Variants in PIK3CA observed in about 807,000 individuals in gnomAD.
The protein encoded by PIK3CA is phosphatidylinositol-4,5-bisphosphate 3-kinase catalytic subunit alpha, also known as phosphatidylinositol 4,5-bisphosphate 3-kinase catalytic subunit alpha isoform.
A neutral mutation model predicts 138.2 loss-of-function variants in PIK3CA; 27 were observed. The observed-to-expected ratio is 0.20, with a 90% CI of 0.14 to 0.27. The LOEUF is 0.27. PIK3CA is among the 10% of genes least tolerant of loss of function. The probability of loss-of-function intolerance (pLI) is 1.00; values close to 1 mark genes in which losing one functional copy is unlikely to be tolerated. For missense variants in PIK3CA, 544 were observed against 1,277.4 expected (o/e 0.43, Z 8.75); for synonymous variants, 358 against 413.2 (o/e 0.87, Z 1.62).
chr3:179,226,091 G>T, intron 17 of PIK3CA, 51 bp downstream of exon 17: 1 of 980,788 alleles, frequency 1.0e-6, no homozygotes, highest in South Asian at 1.3e-5. Context: ...CTGAAAAAGT[G>T]AACTATTAAT....
chr3:179,152,598 T>C (rs921403731), intron 1 of PIK3CA, among the ~76,000 whole-genome samples: 5 of 152,178 alleles, frequency 3.3e-5, no homozygotes, highest in African/African-American at 1.2e-4. Flanking sequence ...ATAATGTAGA[T>C]CCAAGAGAGT....
chr3:179,178,294 A>G (rs965980132), intron 1 of PIK3CA, among the ~76,000 whole-genome samples: 1 of 150,976 alleles, frequency 6.6e-6, no homozygotes, highest in Admixed American at 6.6e-5. Context: ...AGAAATTAAC[A>G]TTTAAAAAAT....
chr3:179,160,531 G>T (rs1191594866), intron 1 of PIK3CA, among the ~76,000 whole-genome samples: 1 of 152,166 alleles, frequency 6.6e-6, no homozygotes, highest in African/African-American at 2.4e-5. Context: ...TGCTGTTTGG[G>T]CTTGCTGAGC....
intron 16 of PIK3CA, among the ~76,000 whole-genome samples, chr3:179,225,555 C>T (rs1243746142): frequency 6.6e-6 from 1 of 152,090 alleles, no homozygotes; most frequent in East Asian, 1.9e-4. Flanking sequence ...TTGTGAGATG[C>T]ATGCTCACTT....
At chr3:179,158,542 T>C (rs1446180594) in intron 1 of PIK3CA, among the ~76,000 whole-genome samples, 1 of 152,206 alleles carries the variant, frequency 6.6e-6, no homozygotes, top group Non-Finnish European at 1.5e-5. Context: ...TATTGTCACA[T>C]AGTCCTTATA....
intron 9 of PIK3CA, among the ~76,000 whole-genome samples, chr3:179,214,101 T>C (rs1310189144): frequency 2.0e-5 from 3 of 152,212 alleles, no homozygotes; most frequent in African/African-American, 4.8e-5. Flanking sequence ...CCACTAAAAC[T>C]TTCTCCATTT....
chr3:179,227,721 A>G (rs752889723), intron 17 of PIK3CA, among the ~76,000 whole-genome samples: 2 of 152,144 alleles, frequency 1.3e-5, no homozygotes, highest in African/African-American at 2.4e-5. Context: ...TATGGAGAGT[A>G]GCTTACGAGA....
At chr3:179,190,232 A>G (rs1249660676) in intron 1 of PIK3CA, among the ~76,000 whole-genome samples, 1 of 152,004 alleles carries the variant, frequency 6.6e-6, no homozygotes, top group Non-Finnish European at 1.5e-5. Context: ...AATTTCAACA[A>G]TTTAGTTTTT....
intron 1 of PIK3CA, among the ~76,000 whole-genome samples, chr3:179,197,753 T>A (rs1724305655): frequency 6.6e-6 from 1 of 152,180 alleles, no homozygotes; most frequent in East Asian, 1.9e-4. Context: ...ATCTCTCACT[T>A]TGCCTTTTGA....
intron 1 of PIK3CA, among the ~76,000 whole-genome samples, chr3:179,197,037 CT>C (rs538921787): frequency 1.9e-4 from 29 of 149,776 alleles, no homozygotes; most frequent in African/African-American, 4.7e-4. Context: ...TCTTGCTTAT[CT>C]TTTTTTTTTC....
Position 179,219,068 on chromosome 3 carries a change from AT to A in PIK3CA, c.1665-124del, listed in dbSNP as rs1724906284. ...AGTGTTAAACACTGATGTCTTTTGA[AT>A]TTTAAAAAAGCTAGTAATGTAAGAA... On this transcript the variant is annotated intron_variant, in intron 10 of 20. Transcript: ENST00000263967. The surrounding 1 kb of genome is among the most constrained non-coding windows in gnomAD (Gnocchi z 4.2). 1.8e-6 allele frequency: 1 copy of A among 561,534 alleles called. No individual in the cohort carries two copies. Among genetic ancestry groups the A allele is most frequent in the Admixed American group, 3.3e-5 (1 of 30,228 alleles). The allele number at this position is 561,534 out of a possible 1,614,324, so 34.8% of individuals were successfully genotyped here.
At chr3:179,200,922 GTTACCAAAAACT>G (rs1389466562) in intron 3 of PIK3CA, among the ~76,000 whole-genome samples, 1 of 151,798 alleles carries the variant, frequency 6.6e-6, no homozygotes, top group Non-Finnish European at 1.5e-5. Flanking sequence ...ACTTCCCATA[GTTACCAAAAACT>G]TCCACCTTAG....
At chr3:179,211,668 A>AAAAAC (rs1170810893) in intron 9 of PIK3CA, among the ~76,000 whole-genome samples, 6 of 152,308 alleles carry the variant, frequency 3.9e-5, no homozygotes, top group South Asian at 2.1e-4. Flanking sequence ...CTCCGTCTCA[A>AAAAAC]AAAACAAAAC....
chr3:179,158,672 G>A (rs116045872), intron 1 of PIK3CA, among the ~76,000 whole-genome samples: 157 of 150,202 alleles, frequency 1.0e-3, no homozygotes, highest in African/African-American at 3.5e-3. Context: ...GCATATCATT[G>A]TTTGTTACCT....
intron 1 of PIK3CA, among the ~76,000 whole-genome samples, chr3:179,195,298 A>T (rs1007629330): frequency 6.6e-6 from 1 of 151,718 alleles, no homozygotes; most frequent in African/African-American, 2.4e-5. Context: ...TTCCTTCCCC[A>T]TCTGGTGCCA....
In PIK3CA at chr3:179,220,200, GCTT is replaced by G. The variant is rs1724934050; in HGVS notation, c.2015+151_2015+153del. On this transcript the variant is annotated intron_variant, in intron 13 of 20. Coordinates refer to ENST00000263967, the MANE Select transcript of PIK3CA (RefSeq NM_006218.4). The surrounding 1 kb of genome is among the most constrained non-coding windows in gnomAD (Gnocchi z 4.1). ...TAAAAGTATTTTGTACCAGTGATGA[GCTT>G]CTCAACTTTTGCTCTTTGAAATTTA... 2.6e-6 allele frequency: 2 copies of G among 777,586 alleles called. No individual in the cohort carries two copies. The highest frequency in any genetic ancestry group is 7.7e-5 in the South Asian group (2 of 25,920). 48.2% of individuals were successfully genotyped at this position (777,586 alleles called of 1,614,324 possible).
chr3:179,215,508 C>T (rs1408989590), intron 9 of PIK3CA, among the ~76,000 whole-genome samples: 2 of 151,472 alleles, frequency 1.3e-5, no homozygotes, highest in African/African-American at 2.4e-5. Context: ...TTCATTATTT[C>T]CAACTATGCT....
chr3:179,178,261 CAAAAAAA>C (rs60887179), intron 1 of PIK3CA, among the ~76,000 whole-genome samples: 2 of 79,888 alleles, frequency 2.5e-5, no homozygotes, highest in Admixed American at 1.3e-4. Flanking sequence ...CTCTAAAGAT[CAAAAAAA>C]AAAAAAAAAA....
chr3:179,192,824 G>C (rs1036808471), intron 1 of PIK3CA, among the ~76,000 whole-genome samples: 2 of 152,186 alleles, frequency 1.3e-5, no homozygotes, highest in Non-Finnish European at 2.9e-5. Flanking sequence ...CTTAACTAAT[G>C]AAATCTAGAA....
Sources: gnomAD v4.1 joint callset for allele counts (sites outside exome capture counted in the v4.1 genomes callset) on GRCh38, gnomAD v4.1.1 for gene constraint, Gnocchi (gnomAD v3.1) non-coding constraint, MANE v1.5 for transcripts, NCBI Gene and HGNC (gene_info 2026-07-23, HGNC 2026-07-21) for gene names.